SGCD: variants seen among roughly 807,000 people sequenced by gnomAD.
SGCD encodes delta-sarcoglycan.
In SGCD, 18 loss-of-function variants were observed where a neutral mutation model predicts 36.6. The observed-to-expected ratio is 0.49, with a 90% confidence interval of 0.34 to 0.73. SGCD has a LOEUF of 0.73. Ranked by LOEUF, SGCD falls within the 30% of genes least tolerant of loss-of-function variation. The probability of loss-of-function intolerance (pLI) is 0.01; values close to 1 mark genes in which losing one functional copy is unlikely to be tolerated. For synonymous variants in SGCD, 133 were observed against 130.6 expected (o/e 1.02, Z -0.12); for missense variants, 387 against 346.7 (o/e 1.12, Z -0.92).
At chr5:156,321,644 G>A (rs1767672948) in intron 3 of SGCD, among the ~76,000 whole-genome samples, 1 of 152,042 alleles carries the variant, frequency 6.6e-6, no homozygotes, top group Non-Finnish European at 1.5e-5. Context: ...AGCCAAATAG[G>A]ATCAACATGA....
intron 3 of SGCD, among the ~76,000 whole-genome samples, chr5:156,406,815 T>TAC (rs1190428582): frequency 9.0e-6 from 1 of 110,972 alleles, no homozygotes; most frequent in Non-Finnish European, 1.8e-5. Context: ...TATATATATA[T>TAC]ATATACACAC....
intron 4 of SGCD, among the ~76,000 whole-genome samples, chr5:156,544,794 G>A (rs777448393): frequency 2.0e-5 from 3 of 152,096 alleles, no homozygotes; most frequent in Admixed American, 2.0e-4. Context: ...TATTATCATT[G>A]ACCATGTTAA....
intron 3 of SGCD, among the ~76,000 whole-genome samples, chr5:156,488,037 T>C (rs1025562190): frequency 7.6e-6 from 1 of 131,150 alleles, no homozygotes; most frequent in Admixed American, 8.0e-5. Flanking sequence ...AAAATAAAAA[T>C]GGAAAGCTTT....
intron 3 of SGCD, among the ~76,000 whole-genome samples, chr5:156,354,779 A>G (rs1769421090): frequency 6.6e-6 from 1 of 152,206 alleles, no homozygotes; most frequent in Non-Finnish European, 1.5e-5. Context: ...TTAAGCAATC[A>G]TAGAAGAGAA....
intron 3 of SGCD, among the ~76,000 whole-genome samples, chr5:156,225,086 G>A (rs543716525): frequency 5.3e-5 from 8 of 152,006 alleles, no homozygotes; most frequent in Non-Finnish European, 1.2e-4. Flanking sequence ...CAATGGCATT[G>A]TTGTGTACCT....
chr5:155,741,766 C>T, the SGCD span, among the ~76,000 whole-genome samples: 1 of 149,700 alleles, frequency 6.7e-6, no homozygotes, highest in African/African-American at 2.5e-5. Context: ...GATCTCAGCT[C>T]ATTGCAACCT....
At chr5:156,374,524 A>G (rs1770552995) in intron 3 of SGCD, among the ~76,000 whole-genome samples, 1 of 152,100 alleles carries the variant, frequency 6.6e-6, no homozygotes, top group African/African-American at 2.4e-5. Flanking sequence ...ATTTTTCAGC[A>G]CTCAACCTAT....
intron 3 of SGCD, among the ~76,000 whole-genome samples, chr5:156,203,377 G>T (rs1453357283): frequency 6.6e-6 from 1 of 152,094 alleles, no homozygotes; most frequent in Non-Finnish European, 1.5e-5. Flanking sequence ...AAACTACAAA[G>T]GCATTGTTCC....
intron 2 of SGCD, among the ~76,000 whole-genome samples, chr5:156,119,506 C>G (rs779293335): frequency 6.6e-6 from 1 of 152,120 alleles, no homozygotes; most frequent in African/African-American, 2.4e-5. Context: ...GGTATCTCCA[C>G]GATCACACTT....
chr5:155,785,248 T>G, the SGCD span, among the ~76,000 whole-genome samples: 4 of 152,188 alleles, frequency 2.6e-5, no homozygotes, highest in African/African-American at 9.6e-5. Flanking sequence ...TCAGTTTGTC[T>G]CTCTCCACGG....
At chr5:156,687,827 C>A (rs1248542069) in intron 7 of SGCD, among the ~76,000 whole-genome samples, 1 of 152,176 alleles carries the variant, frequency 6.6e-6, no homozygotes, top group East Asian at 1.9e-4. Context: ...ATGTTGCTGG[C>A]TGGTAGAGGG....
chr5:156,013,468 GGT>G (rs1196355546), intron 1 of SGCD, among the ~76,000 whole-genome samples: 3 of 152,192 alleles, frequency 2.0e-5, no homozygotes, highest in African/African-American at 7.2e-5. Flanking sequence ...TCCTTGCCTT[GGT>G]GTTTTTAGAA....
chr5:156,605,640 G>A (rs1194470673), intron 6 of SGCD, among the ~76,000 whole-genome samples: 1 of 152,158 alleles, frequency 6.6e-6, no homozygotes, highest in African/African-American at 2.4e-5. Context: ...TTCCACAATG[G>A]TTGAACTAGT....
At chr5:156,586,955 T>C (rs985125176) in intron 4 of SGCD, among the ~76,000 whole-genome samples, 1 of 152,168 alleles carries the variant, frequency 6.6e-6, no homozygotes, top group African/African-American at 2.4e-5. Flanking sequence ...TTTTTCAACA[T>C]CATTATGTAG....
chr5:156,715,361 CAG>C (rs565941273), intron 7 of SGCD, among the ~76,000 whole-genome samples: 1 of 152,136 alleles, frequency 6.6e-6, no homozygotes, highest in Non-Finnish European at 1.5e-5. Context: ...ACTTCAAACT[CAG>C]TGAGGATTAT....
intron 3 of SGCD, among the ~76,000 whole-genome samples, chr5:156,471,226 C>T (rs1211199486): frequency 2.0e-5 from 3 of 152,294 alleles, no homozygotes; most frequent in Middle Eastern, 3.4e-3. Flanking sequence ...TTTTAAGATA[C>T]TTCTCATCAC....
intron 1 of SGCD, among the ~76,000 whole-genome samples, chr5:155,897,775 A>G (rs1037001721): frequency 6.6e-6 from 1 of 152,284 alleles, no homozygotes; most frequent in East Asian, 1.9e-4. Context: ...ACTATATTAT[A>G]GGAAATTTTT....
chr5:156,095,510 G>C (rs1414803450), intron 1 of SGCD, among the ~76,000 whole-genome samples: 1 of 152,152 alleles, frequency 6.6e-6, no homozygotes, highest in Non-Finnish European at 1.5e-5. Flanking sequence ...AGCTTGTTTT[G>C]ACAACCTGCA....
intron 1 of SGCD, among the ~76,000 whole-genome samples, chr5:156,053,443 A>G (rs1192241566): frequency 1.4e-5 from 2 of 146,410 alleles, no homozygotes; most frequent in Middle Eastern, 3.4e-3. Context: ...AGGCAGGACT[A>G]CATGTGAGCC....
Sources: allele counts gnomAD v4.1 joint callset (sites outside exome capture counted in the v4.1 genomes callset), GRCh38; gene constraint gnomAD v4.1.1; transcripts MANE v1.5; gene names NCBI Gene and HGNC (gene_info 2026-07-23, HGNC 2026-07-21).